Variants in HORMAD1 observed in about 807,000 individuals in gnomAD.
HORMAD1 encodes HORMA domain-containing protein 1.
Under a neutral mutation model 58.2 loss-of-function variants are expected in HORMAD1, and 33 were observed. That is an observed-to-expected ratio of 0.57 (90% confidence interval 0.43 to 0.76). The LOEUF is 0.76. Among genes scored for constraint, HORMAD1 ranks in the 30% least tolerant of loss-of-function variants. HORMAD1 has a pLI of 0.00. For missense variants in HORMAD1, 363 were observed against 462.0 expected, an observed-to-expected ratio of 0.79 and a Z score of 1.96; for synonymous variants, 137 against 144.6, an observed-to-expected ratio of 0.95 and a Z score of 0.38.
chr1:150,712,701 C>T (rs1024509596), intron 5 of HORMAD1, among the ~76,000 whole-genome samples: 5 of 152,104 alleles, frequency 3.3e-5, no homozygotes, highest in African/African-American at 9.7e-5. Context: ...GGCGCGCCAA[C>T]ACGCCTAGCT....
chr1:150,712,873 A>T (rs587722183), intron 5 of HORMAD1, among the ~76,000 whole-genome samples: 1 of 152,322 alleles, frequency 6.6e-6, no homozygotes, highest in East Asian at 1.9e-4. Context: ...TGTAAATCAA[A>T]TATTACATTT....
chr1:150,706,523 T>C (rs749279957), intron 10 of HORMAD1, 30 bp downstream of exon 10: 1 of 1,523,994 alleles, frequency 6.6e-7, no homozygotes, highest in Admixed American at 1.9e-5. Context: ...TTGTTATTAT[T>C]GTTCTTTATA....
intron 3 of HORMAD1, among the ~76,000 whole-genome samples, chr1:150,716,080 G>A (rs1190430228): frequency 6.8e-6 from 1 of 147,114 alleles, no homozygotes; most frequent in African/African-American, 2.5e-5. Flanking sequence ...AAGGGATGAA[G>A]CACTGATCCA....
chr1:150,717,005 C>T (rs1652101711), intron 3 of HORMAD1, 133 bp downstream of exon 3: 2 of 422,266 alleles, frequency 4.7e-6, no homozygotes, highest in Admixed American at 8.7e-5. Flanking sequence ...AACAAGTGAA[C>T]TGTCAGGTAC....
chr1:150,699,983 C>G (rs1651489071), intron 14 of HORMAD1, 129 bp downstream of exon 14: 1 of 491,206 alleles, frequency 2.0e-6, no homozygotes, highest in East Asian at 3.4e-5. Flanking sequence ...TATATTTAAA[C>G]AAAATTTGAA....
intron 9 of HORMAD1, among the ~76,000 whole-genome samples, 198 bp downstream of exon 9, chr1:150,708,058 G>A (rs976716765): frequency 1.3e-5 from 2 of 152,116 alleles, no homozygotes; most frequent in Admixed American, 1.3e-4. Context: ...ACTTCACATG[G>A]ATATGTTCCT....
intron 14 of HORMAD1, 158 bp from the exon 15 acceptor site, chr1:150,698,892 A>C: frequency 2.1e-6 from 1 of 485,658 alleles, no homozygotes; most frequent in Non-Finnish European, 3.7e-6. Context: ...AAGTAGAGTA[A>C]AATTTATTAT....
intron 2 of HORMAD1, 33 bp from the exon 3 acceptor site, chr1:150,717,315 TA>T: frequency 7.5e-7 from 1 of 1,335,806 alleles, no homozygotes; most frequent in Non-Finnish European, 1.0e-6. Context: ...ACACTTTATT[TA>T]AATTTATTAA....
chr1:150,707,151 G>GTAAA (rs912067152), intron 9 of HORMAD1, among the ~76,000 whole-genome samples: 1 of 152,128 alleles, frequency 6.6e-6, no homozygotes, highest in African/African-American at 2.4e-5. Flanking sequence ...CTGGCACATA[G>GTAAA]TAAATACTCA....
In HORMAD1 at chr1:150,698,723, G is replaced by C. The variant is rs762193054; in HGVS notation, c.1116C>G (p.His372Gln). 6.3e-7 allele frequency: 1 copy of C among 1,590,958 alleles called. No individual in the cohort carries two copies. The highest frequency in any genetic ancestry group is 1.1e-5 in the South Asian group (1 of 89,572). ...QHESGRIVLH[H>Q]FDSSSQESVP... ...CTGACTCTTGACTAGAAGAATCAAA[G>C]TGATGGAGGACCTGTCAAAAGAAAA... The change falls in exon 15 of 15, where the codon CAC becomes CAG. Residue 372 changes from histidine to glutamine, a missense_variant. By Grantham distance (24) the His-to-Gln change is conservative. Transcript: ENST00000361824.
At chr1:150,708,125 TAG>T in intron 9 of HORMAD1, 129 bp downstream of exon 9, 1 of 586,816 alleles carries the variant, frequency 1.7e-6, no homozygotes, top group South Asian at 3.0e-5. Context: ...CTTTCTTGAA[TAG>T]TGATATTAAG....
intron 5 of HORMAD1, 123 bp downstream of exon 5, chr1:150,713,962 A>T (rs200543089): frequency 1.5e-6 from 1 of 683,342 alleles, no homozygotes; most frequent in Non-Finnish European, 2.6e-6. Context: ...TAGGCTTTTC[A>T]GTAATTCAGA....
intron 10 of HORMAD1, among the ~76,000 whole-genome samples, chr1:150,706,112 G>A (rs1651683991): frequency 6.6e-6 from 1 of 152,112 alleles, no homozygotes; most frequent in Non-Finnish European, 1.5e-5. Flanking sequence ...GAACTTCCAG[G>A]CTGCTTCAGA....
intron 4 of HORMAD1, 77 bp downstream of exon 4, chr1:150,714,538 C>T: frequency 1.4e-6 from 1 of 693,236 alleles, no homozygotes. Context: ...TGGTTAAACA[C>T]CAAAGGTATC....
At chr1:150,704,246 G>C (rs907746660) in intron 11 of HORMAD1, 31 bp downstream of exon 11, 2 of 1,539,630 alleles carry the variant, frequency 1.3e-6, no homozygotes, top group Non-Finnish European at 1.8e-6. Context: ...AGTTGGAAGT[G>C]AGTTAATGTA....
chr1:150,710,130 C>T (rs1190294505), intron 7 of HORMAD1, among the ~76,000 whole-genome samples: 1 of 152,168 alleles, frequency 6.6e-6, no homozygotes, highest in Non-Finnish European at 1.5e-5. Flanking sequence ...TATACTTTGT[C>T]TCTGTGTCTT....
At chr1:150,704,233 T>C (rs374969993) in intron 11 of HORMAD1, 39 bp from the exon 12 acceptor site, 128 of 1,567,890 alleles carry the variant, frequency 8.2e-5, no homozygotes, top group Middle Eastern at 3.4e-4. Context: ...GGGTATAAAA[T>C]TGAGTTGGAA....
chr1:150,708,513 G>A (rs1651766435), intron 8 of HORMAD1, 106 bp from the exon 9 acceptor site: 1 of 641,528 alleles, frequency 1.6e-6, no homozygotes. Flanking sequence ...ATAGCATTAA[G>A]CTGTTAACTT....
At position 150,708,312 on chromosome 1, in the gene HORMAD1, A is replaced by T. The variant is rs1337738288; in HGVS notation, c.491T>A (p.Leu164Gln). 6.2e-7 allele frequency: 1 copy of T among 1,611,220 alleles called. No individual in the cohort carries two copies. The highest frequency in any genetic ancestry group is 1.7e-5 in the Admixed American group (1 of 59,626). The change falls in exon 9 of 15, where the codon CTG becomes CAG. Residue 164 changes from leucine (L) to glutamine (Q), a missense_variant. Around this residue, in one of 3 missense-constraint regions of HORMAD1, gnomAD observed 9 missense variants for 32.4 expected, o/e 0.28. Transcript: ENST00000361824. ...IRKIYILMQNLGPLPNDVCLT... is the reference protein window; with the variant it reads ...IRKIYILMQNQGPLPNDVCLT... ...ACAAACATCATTAGGTAAAGGCCCC[A>T]GATTTTGCATTAGGATATAAATCTT...
Sources: allele counts gnomAD v4.1 joint callset (sites outside exome capture counted in the v4.1 genomes callset), GRCh38; gene constraint gnomAD v4.1.1; regional missense constraint gnomAD v4.1.1; transcripts MANE v1.5; gene names NCBI Gene and HGNC (gene_info 2026-07-23, HGNC 2026-07-21).